The following DYNC1LI1 variants were observed in gnomAD, a reference collection of about 807,000 sequenced individuals.
The protein encoded by DYNC1LI1 is cytoplasmic dynein 1 light intermediate chain 1.
DYNC1LI1 carries 19 observed loss-of-function variants against 63.8 expected under a neutral mutation model. The ratio of observed to expected loss-of-function variants is 0.30; its 90% CI spans 0.21 to 0.44. The LOEUF is 0.44. DYNC1LI1 is among the 20% of genes least tolerant of loss of function. The probability of loss-of-function intolerance (pLI) is 1.00; values close to 1 mark genes in which losing one functional copy is unlikely to be tolerated. For synonymous variants in DYNC1LI1, 225 were observed against 232.3 expected, an observed-to-expected ratio of 0.97 and a Z score of 0.28; for missense variants, 565 against 630.2, an observed-to-expected ratio of 0.90 and a Z score of 1.11.
chr3:32,533,228 A>G (rs1697725686), intron 7 of DYNC1LI1, 131 bp from the exon 8 acceptor site: 1 of 1,342,670 alleles, frequency 7.4e-7, no homozygotes, highest in Non-Finnish European at 9.6e-7. Flanking sequence ...TTAGCTTTTC[A>G]TTATGATGTC....
At chr3:32,550,734 C>G (rs949472397) in intron 2 of DYNC1LI1, among the ~76,000 whole-genome samples, 1 of 152,220 alleles carries the variant, frequency 6.6e-6, no homozygotes, top group East Asian at 1.9e-4. Flanking sequence ...GACCCACCCC[C>G]TTAGTTTCTA....
At chr3:32,538,785 AAG>A (rs1432105822) in intron 5 of DYNC1LI1, among the ~76,000 whole-genome samples, 1 of 152,170 alleles carries the variant, frequency 6.6e-6, no homozygotes, top group African/African-American at 2.4e-5. Flanking sequence ...TTCTAAGACT[AAG>A]AGAAATCTCC....
intron 2 of DYNC1LI1, among the ~76,000 whole-genome samples, chr3:32,557,814 C>T (rs564066795): frequency 3.0e-4 from 46 of 152,166 alleles, no homozygotes; most frequent in Non-Finnish European, 5.3e-4. Flanking sequence ...GAAACAGACA[C>T]ATCAGCTTTA....
chr3:32,551,629 CA>C (rs1408719846), intron 2 of DYNC1LI1, among the ~76,000 whole-genome samples: 1 of 151,924 alleles, frequency 6.6e-6, no homozygotes, highest in Non-Finnish European at 1.5e-5. Context: ...GGAGTCCTAG[CA>C]AAAAATGAGG....
chr3:32,526,967 A>G, intron 12 of DYNC1LI1, 59 bp from the exon 13 acceptor site: 1 of 1,175,564 alleles, frequency 8.5e-7, no homozygotes, highest in South Asian at 1.3e-5. Flanking sequence ...TATCGTTTTC[A>G]CCAATATCTC....
At chr3:32,532,779 A>C in intron 8 of DYNC1LI1, 1 of 830,560 alleles carries the variant, frequency 1.2e-6, no homozygotes, top group Non-Finnish European at 1.6e-6. Context: ...CCAAGGGCGA[A>C]GATTTAATTA....
Position 32,530,307 on chromosome 3 carries a change from G to A in DYNC1LI1, c.1162C>T (p.Pro388Ser). The change falls in exon 10 of 13, where the codon CCA becomes TCA. Residue 388 changes from proline to serine, a missense_variant. Coordinates refer to ENST00000273130, the MANE Select transcript of DYNC1LI1 (RefSeq NM_016141.4). The part of the protein sequence containing the change: ...KLQSLLAKQP[P>S]TAAGRPVDAS... Reference sequence around the variant, plus strand: ...ACCACAGGCCTTCCAGCTGCAGTTGGTGGTTGCTTTGCTAAAAGGGACTGA... The same window carrying A: ...ACCACAGGCCTTCCAGCTGCAGTTGATGGTTGCTTTGCTAAAAGGGACTGA... 1 of 1,608,616 alleles carries A rather than the reference G, an allele frequency of 6.2e-7. No homozygotes were observed. Among genetic ancestry groups the A allele is most frequent in the Admixed American group, 1.7e-5 (1 of 59,304 alleles).
chr3:32,536,890 A>G, intron 6 of DYNC1LI1, 121 bp downstream of exon 6: 1 of 573,542 alleles, frequency 1.7e-6, no homozygotes, highest in Admixed American at 3.7e-5. Flanking sequence ...ATTTCCAACC[A>G]GAGACAGAAG....
intron 8 of DYNC1LI1, chr3:32,532,487 G>GTGTATATATATA (rs369421174): frequency 8.0e-6 from 1 of 125,366 alleles, no homozygotes; most frequent in African/African-American, 3.0e-5. Flanking sequence ...AAAAATGTGT[G>GTGTATATATATA]TATATATATA....
intron 8 of DYNC1LI1, 147 bp downstream of exon 8, chr3:32,532,839 T>C (rs1697720172): frequency 1.5e-6 from 2 of 1,318,600 alleles, no homozygotes; most frequent in South Asian, 1.9e-5. Context: ...ATGTAAACTG[T>C]ACATTAGAAA....
chr3:32,529,573 C>G lies in DYNC1LI1; in HGVS notation c.1273G>C (p.Ala425Pro), dbSNP rs753876334. 8.7e-6 allele frequency: 14 copies of G among 1,607,984 alleles called. No individual in the cohort carries two copies. The highest frequency in any genetic ancestry group is 1.2e-5 in the Non-Finnish European group (14 of 1,177,060). The change falls in exon 11 of 13, where the codon GCT (alanine) becomes CCT (proline). Residue 425 changes from alanine (A) to proline (P), a missense_variant. Transcript: ENST00000273130. ...TTTGGATCAATTTTTTTTGACCCAG[C>G]AGGAATGGGTGACACGCTGGCAACA... is the stretch of plus-strand genomic sequence containing the variant. ...SNVASVSPIPAGSKKIDPNMK... is the reference protein window; with the variant it reads ...SNVASVSPIPPGSKKIDPNMK...
chr3:32,551,891 T>C (rs1337899488), intron 2 of DYNC1LI1, among the ~76,000 whole-genome samples: 1 of 152,206 alleles, frequency 6.6e-6, no homozygotes, highest in African/African-American at 2.4e-5. Flanking sequence ...CTTCTCACTC[T>C]ATATGTAATT....
intron 3 of DYNC1LI1, 80 bp downstream of exon 3, chr3:32,545,769 T>TA (rs563327987): frequency 1.5e-4 from 146 of 968,666 alleles, no homozygotes; most frequent in African/African-American, 7.5e-4. Context: ...AATTACACAC[T>TA]AAAAAAAATC....
intron 7 of DYNC1LI1, among the ~76,000 whole-genome samples, chr3:32,534,069 G>A (rs549713256): frequency 4.0e-4 from 61 of 151,248 alleles, no homozygotes; most frequent in Admixed American, 1.1e-3. Context: ...ATTAGAGAGG[G>A]GGTTTCGCCA....
chr3:32,553,769 G>A (rs1698075457), intron 2 of DYNC1LI1, among the ~76,000 whole-genome samples: 1 of 152,240 alleles, frequency 6.6e-6, no homozygotes, highest in Non-Finnish European at 1.5e-5. Context: ...TGGCAGGTAG[G>A]ATGCTGAGGC....
In DYNC1LI1 at chr3:32,537,973, T is replaced by TAA. The variant is rs1553617906; in HGVS notation, c.739-870_739-869insTT. On this transcript the variant is annotated intron_variant, in intron 5 of 12. Transcript: ENST00000273130. Reference sequence around the variant, plus strand: ...AATTTATATATATAATATATATATATTTATATATAATATATATATATAATT... The same window carrying TAA: ...AATTTATATATATAATATATATATATAATTATATATAATATATATATATAATT... Among the ~76,000 whole-genome samples, 37 of 19,700 alleles carry TAA rather than the reference T, an allele frequency of 1.9e-3. 4 individuals carry two copies. Among genetic ancestry groups the TAA allele is most frequent in the African/African-American group, 8.6e-3 (29 of 3,388 alleles). 12.9% of individuals were successfully genotyped at this position (19,700 alleles called of 152,430 possible). A position where few individuals can be genotyped will look rare whatever the true frequency, so the allele number is the denominator to read the frequency against.
intron 2 of DYNC1LI1, among the ~76,000 whole-genome samples, chr3:32,560,989 C>CA (rs1698181941): frequency 2.1e-5 from 1 of 48,262 alleles, no homozygotes. Context: ...GCAACAAGAG[C>CA]AAAACTCCGT....
Position 32,526,169 on chromosome 3 carries a change from T to C in DYNC1LI1, c.*630A>G, listed in dbSNP as rs1342619614. On this transcript the variant is annotated 3_prime_UTR_variant, in exon 13 of 13. Coordinates refer to ENST00000273130, the MANE Select transcript of DYNC1LI1 (RefSeq NM_016141.4). The stretch of plus-strand genomic sequence containing the variant: ...CACATTTAGGCAGTGTGCTTTCTTT[T>C]CTCCTCAGTTAAAGCAACACCTTGG... The C allele has an allele frequency of 6.6e-6, 1 of 152,584 alleles. No individual in the cohort carries two copies. The highest frequency in any genetic ancestry group is 1.5e-5 in the Non-Finnish European group (1 of 68,040). 9.5% of individuals were successfully genotyped at this position (152,584 alleles called of 1,614,324 possible). A position where few individuals can be genotyped will look rare whatever the true frequency, so the allele number is the denominator to read the frequency against.
At chr3:32,537,149 T>C (rs769962329) in intron 5 of DYNC1LI1, 45 bp from the exon 6 acceptor site, 1 of 1,073,160 alleles carries the variant, frequency 9.3e-7, no homozygotes, top group Admixed American at 2.7e-5. Flanking sequence ...AAAATAATCA[T>C]AACTAAATAT....
Sources: allele counts gnomAD v4.1 joint callset (sites outside exome capture counted in the v4.1 genomes callset), GRCh38; gene constraint gnomAD v4.1.1; transcripts MANE v1.5; gene names NCBI Gene and HGNC (gene_info 2026-07-23, HGNC 2026-07-21).